The following KIRREL3 variants were observed in gnomAD, a reference collection of about 807,000 sequenced individuals.
KIRREL3 encodes kirre like nephrin family adhesion molecule 3.
A neutral mutation model predicts 89.7 loss-of-function variants in KIRREL3; 36 were observed. The observed-to-expected ratio is 0.40, with a 90% CI of 0.31 to 0.53. KIRREL3 has a LOEUF of 0.53. KIRREL3 is among the 20% of genes least tolerant of loss of function. KIRREL3 has a pLI of 0.49. For synonymous variants in KIRREL3, 445 were observed against 441.4 expected (o/e 1.01, Z -0.10); for missense variants, 864 against 1,056.6 (o/e 0.82, Z 2.53).
At chr11:126,737,159 T>C (rs547328521) in intron 1 of KIRREL3, among the ~76,000 whole-genome samples, 4 of 152,310 alleles carry the variant, frequency 2.6e-5, no homozygotes, top group East Asian at 3.9e-4. Context: ...TGTCCCCTGA[T>C]TGGAGGCCGG....
rs1262992762 is a variant in KIRREL3, at chr11:126,555,749, T to G, written c.133+7086A>C. Among the ~76,000 whole-genome samples, 1 of 151,370 alleles carries G rather than the reference T, an allele frequency of 6.6e-6. No homozygotes were observed. The highest frequency in any genetic ancestry group is 1.5e-5 in the Non-Finnish European group (1 of 67,760). On this transcript the variant is annotated intron_variant, in intron 2 of 16. Transcript: ENST00000525144. This position sits in a 1 kb window ranked among gnomAD's most constrained non-coding sequence, Gnocchi z 4.2. ...AACATGCTAACAATGTGAGCATTTT[T>G]TTTTTTTTTGAGACGGAGTCTCCCT...
Position 126,683,858 on chromosome 11 carries a change from A to T in KIRREL3, c.56-120946T>A, listed in dbSNP as rs1380096844. ...TCTTGAAACCCTCGCCAGGCCCCAG[A>T]CGCGCGTGGGTCCACCTACCGTCCA... On this transcript the variant is annotated intron_variant, in intron 1 of 16. Coordinates refer to ENST00000525144, the MANE Select transcript of KIRREL3 (RefSeq NM_032531.4). This position sits in a 1 kb window ranked among gnomAD's most constrained non-coding sequence, Gnocchi z 5.2. 1.3e-5 allele frequency among the ~76,000 whole-genome samples: 2 copies of T among 152,176 alleles called. No homozygotes were observed. Among genetic ancestry groups the T allele is most frequent in the East Asian group, 3.9e-4 (2 of 5,184 alleles).
Position 126,535,590 on chromosome 11 carries a change from T to C in KIRREL3, c.134-8903A>G, listed in dbSNP as rs1937789379. On this transcript the variant is annotated intron_variant, in intron 2 of 16. Coordinates refer to ENST00000525144, the MANE Select transcript of KIRREL3 (RefSeq NM_032531.4). This position sits in a 1 kb window ranked among gnomAD's most constrained non-coding sequence, Gnocchi z 4.5. The stretch of plus-strand genomic sequence containing the variant: ...GCTGGGTCGGGTGTGTGTGTGTGTG[T>C]GTGCACGTGGGTGTGTTTGTCAGAT... Among the ~76,000 whole-genome samples the C allele has an allele frequency of 6.6e-6, 1 of 152,072 alleles. No homozygotes were observed. The highest frequency in any genetic ancestry group is 1.5e-5 in the Non-Finnish European group (1 of 67,996).
At chr11:126,746,939 G>T (rs1949171906) in intron 1 of KIRREL3, among the ~76,000 whole-genome samples, 1 of 152,200 alleles carries the variant, frequency 6.6e-6, no homozygotes, top group South Asian at 2.1e-4. Context: ...GGACCACACT[G>T]AGGATAGACA....
In KIRREL3 at chr11:126,689,118, C is replaced by G. The variant is rs184088186; in HGVS notation, c.56-126206G>C. 6.6e-6 allele frequency among the ~76,000 whole-genome samples: 1 copy of G among 151,010 alleles called. No individual in the cohort carries two copies. Among genetic ancestry groups the G allele is most frequent in the African/African-American group, 2.4e-5 (1 of 41,040 alleles). On this transcript the variant is annotated intron_variant, in intron 1 of 16. Coordinates refer to ENST00000525144, the MANE Select transcript of KIRREL3 (RefSeq NM_032531.4). This position sits in a 1 kb window ranked among gnomAD's most constrained non-coding sequence, Gnocchi z 5.2. ...ACGTATTGAGCATGAGCTGCCTGAT[C>G]TTTGCCAGGTGATAAACTGGCCCAC...
Position 126,528,519 on chromosome 11 carries a change from C to T in KIRREL3, c.134-1832G>A, listed in dbSNP as rs376026112. Among the ~76,000 whole-genome samples, 71 of 152,268 alleles carry T rather than the reference C, an allele frequency of 4.7e-4. No homozygotes were observed. The highest frequency in any genetic ancestry group is 1.4e-3 in the East Asian group (7 of 5,180). On this transcript the variant is annotated intron_variant, in intron 2 of 16. Coordinates refer to ENST00000525144, the MANE Select transcript of KIRREL3 (RefSeq NM_032531.4). This position sits in a 1 kb window ranked among gnomAD's most constrained non-coding sequence, Gnocchi z 4.6. ...CCTGACAAGATCTTGGCAGGGTCTC[C>T]GAGGAGTCTCATTAAAAATCAAATT... is the stretch of plus-strand genomic sequence containing the variant.
chr11:126,768,031 A>G lies in KIRREL3; in HGVS notation c.56-205119T>C, dbSNP rs1949886058. On this transcript the variant is annotated intron_variant, in intron 1 of 16. Transcript: ENST00000525144. The surrounding 1 kb of genome is among the most constrained non-coding windows in gnomAD (Gnocchi z 4.5). ...CAAAGCCCTGTGTTCTGCTTCTGAA[A>G]TGTCTCTCCATCCTCAAAATTTTAT... Among the ~76,000 whole-genome samples, 1 of 152,228 alleles carries G rather than the reference A, an allele frequency of 6.6e-6. No homozygotes were observed. The highest frequency in any genetic ancestry group is 2.1e-4 in the South Asian group (1 of 4,830).
intron 12 of KIRREL3, 146 bp from the exon 13 acceptor site, chr11:126,435,449 C>G: frequency 1.3e-6 from 1 of 783,664 alleles, no homozygotes; most frequent in Non-Finnish European, 2.2e-6. Context: ...TCCAGGCTAG[C>G]CCAGCTGAAC....
At chr11:126,895,536 A>G (rs1003642944) in intron 1 of KIRREL3, among the ~76,000 whole-genome samples, 5 of 151,936 alleles carry the variant, frequency 3.3e-5, no homozygotes, top group African/African-American at 9.7e-5. Context: ...TGAAAGGAAG[A>G]AAGGAACTTC....
intron 1 of KIRREL3, among the ~76,000 whole-genome samples, chr11:126,731,267 T>C (rs961206875): frequency 1.3e-5 from 2 of 152,208 alleles, no homozygotes; most frequent in African/African-American, 2.4e-5. Flanking sequence ...CAGTACTAGA[T>C]AATCTGCCGT....
chr11:126,912,718 C>A lies in KIRREL3; in HGVS notation c.55+87737G>T, dbSNP rs967747956. Among the ~76,000 whole-genome samples the A allele has an allele frequency of 6.6e-6, 1 of 152,224 alleles. No individual in the cohort carries two copies. The highest frequency in any genetic ancestry group is 2.4e-5 in the African/African-American group (1 of 41,450). On this transcript the variant is annotated intron_variant, in intron 1 of 16. Transcript: ENST00000525144. This position sits in a 1 kb window ranked among gnomAD's most constrained non-coding sequence, Gnocchi z 4.7. The stretch of plus-strand genomic sequence containing the variant: ...GGGTCTTTGTTTCAAATGTGAGGCA[C>A]AACAGAGCATCCTGCTGTATCAGCC...
intron 7 of KIRREL3, among the ~76,000 whole-genome samples, chr11:126,451,663 T>C (rs975941440): frequency 7.2e-5 from 11 of 151,902 alleles, no homozygotes; most frequent in African/African-American, 2.7e-4. Flanking sequence ...TGTGCATGTG[T>C]GAGTGTGTGC....
At chr11:126,511,778 T>C (rs1159222709) in intron 4 of KIRREL3, among the ~76,000 whole-genome samples, 2 of 152,248 alleles carry the variant, frequency 1.3e-5, no homozygotes, top group South Asian at 4.1e-4. Flanking sequence ...GGCATTTTCC[T>C]TTCTCATTTC....
rs55885385 is a variant in KIRREL3, at chr11:126,511,047, CTGTG to C, written c.433+10264_433+10267del. Among the ~76,000 whole-genome samples the C allele has an allele frequency of 5.8e-4, 82 of 142,196 alleles. No homozygotes were observed. In the South Asian group the frequency reaches 0.012, roughly 20 times the overall value. The allele number at this position is 142,196 out of a possible 152,430, so 93.3% of individuals were successfully genotyped here. A position where few individuals can be genotyped will look rare whatever the true frequency, so the allele number is the denominator to read the frequency against. ...CTGGGCTCCCTGGAGATCTGCAGTGCTGTGTGTGTGTGTGTGTGTGTGTGTGTGT... is the reference window on the plus strand; with the variant it reads ...CTGGGCTCCCTGGAGATCTGCAGTGCTGTGTGTGTGTGTGTGTGTGTGTGT... On this transcript the variant is annotated intron_variant, in intron 4 of 16. Transcript: ENST00000525144.
At chr11:126,446,657 C>T in intron 9 of KIRREL3, 102 bp downstream of exon 9, 1 of 1,283,180 alleles carries the variant, frequency 7.8e-7, no homozygotes, top group Non-Finnish European at 1.1e-6. Context: ...GAGGCTGACT[C>T]CCCCAGTCTA....
intron 1 of KIRREL3, among the ~76,000 whole-genome samples, chr11:126,726,100 AC>A (rs1452527640): frequency 6.6e-6 from 1 of 151,914 alleles, no homozygotes; most frequent in African/African-American, 2.4e-5. Flanking sequence ...CTCCATTCTA[AC>A]CCCCTGTGTC....
intron 1 of KIRREL3, among the ~76,000 whole-genome samples, chr11:126,706,370 T>C (rs1947529365): frequency 6.6e-6 from 1 of 152,232 alleles, no homozygotes; most frequent in Non-Finnish European, 1.5e-5. Context: ...TAATGGAAAG[T>C]GTACTGGGGA....
At chr11:126,803,311 C>A (rs976995820) in intron 1 of KIRREL3, among the ~76,000 whole-genome samples, 13 of 152,012 alleles carry the variant, frequency 8.6e-5, no homozygotes, top group African/African-American at 3.1e-4. Flanking sequence ...GATCACCAGG[C>A]ACAGAATTGG....
Position 126,628,180 on chromosome 11 carries a change from G to A in KIRREL3, c.56-65268C>T, listed in dbSNP as rs556885535. Among the ~76,000 whole-genome samples the A allele has an allele frequency of 6.6e-6, 1 of 152,276 alleles. No homozygotes were observed. The highest frequency in any genetic ancestry group is 1.9e-4 in the East Asian group (1 of 5,188). ...AACACACTTCGCCCACCCCTCCAAGGCTTCTGGCCTGCATCCCACTGCACT... is the reference window on the plus strand; with the variant it reads ...AACACACTTCGCCCACCCCTCCAAGACTTCTGGCCTGCATCCCACTGCACT... On this transcript the variant is annotated intron_variant, in intron 1 of 16. Transcript: ENST00000525144. This position sits in a 1 kb window ranked among gnomAD's most constrained non-coding sequence, Gnocchi z 5.2.
Sources: gnomAD v4.1 joint callset for allele counts (sites outside exome capture counted in the v4.1 genomes callset) on GRCh38, gnomAD v4.1.1 for gene constraint, Gnocchi (gnomAD v3.1) non-coding constraint, MANE v1.5 for transcripts, NCBI Gene and HGNC (gene_info 2026-07-23, HGNC 2026-07-21) for gene names.